The following NCOR2 variants were observed in gnomAD, a reference collection of about 807,000 sequenced individuals.
NCOR2 encodes CTG repeat protein 26.
In NCOR2, 81 loss-of-function variants were observed where a neutral mutation model predicts 262.9. The ratio of observed to expected loss-of-function variants is 0.31; its 90% CI spans 0.26 to 0.37. The LOEUF is 0.37. Ranked by LOEUF, NCOR2 falls within the 10% of genes least tolerant of loss-of-function variation. NCOR2 has a pLI of 1.00. For synonymous variants in NCOR2, 1,659 were observed against 1,559.3 expected (o/e 1.06, Z -1.51); for missense variants, 3,385 against 3,621.4 (o/e 0.93, Z 1.68).
intron 5 of NCOR2, among the ~76,000 whole-genome samples, chr12:124,463,431 C>T (rs932866828): frequency 6.6e-6 from 1 of 152,248 alleles, no homozygotes; most frequent in African/African-American, 2.4e-5. Flanking sequence ...AGGCTGCAGC[C>T]ACCCTGATGG....
intron 16 of NCOR2, among the ~76,000 whole-genome samples, chr12:124,387,584 C>A (rs1337358062): frequency 6.6e-6 from 1 of 152,208 alleles, no homozygotes; most frequent in Non-Finnish European, 1.5e-5. Flanking sequence ...TGACAGGCCA[C>A]CTGTTCGCCT....
intron 1 of NCOR2, among the ~76,000 whole-genome samples, chr12:124,532,189 G>GT (rs2050830823): frequency 6.6e-6 from 1 of 152,112 alleles, no homozygotes; most frequent in South Asian, 2.1e-4. Context: ...GCGAGTGTCG[G>GT]CCCTGAGGTC....
intron 33 of NCOR2, 32 bp from the exon 36 acceptor site, chr12:124,342,106 AGCCATACCTAG>A: frequency 1.9e-6 from 3 of 1,584,904 alleles, no homozygotes; most frequent in Non-Finnish European, 2.6e-6. Context: ...ATGTGAGGCC[AGCCATACCTAG>A]GCCTGATGGT....
chr12:124,543,145 T>C (rs1444929901), intron 1 of NCOR2, among the ~76,000 whole-genome samples: 1 of 152,048 alleles, frequency 6.6e-6, no homozygotes, highest in Non-Finnish European at 1.5e-5. Flanking sequence ...GCAGCATGGA[T>C]GTGAGTGATC....
intron 4 of NCOR2, among the ~76,000 whole-genome samples, chr12:124,469,221 C>T (rs564445873): frequency 1.5e-3 from 221 of 152,166 alleles, no homozygotes; most frequent in Non-Finnish European, 2.7e-3. Flanking sequence ...CCACTTATGA[C>T]GCTCGCACAG....
intron 10 of NCOR2, among the ~76,000 whole-genome samples, chr12:124,429,097 C>G (rs916904504): frequency 6.6e-6 from 1 of 152,264 alleles, no homozygotes. Context: ...CCTGCTCCAG[C>G]CAGGAGGGCT....
At chr12:124,401,621 A>G (rs2041990543) in intron 14 of NCOR2, among the ~76,000 whole-genome samples, 1 of 152,254 alleles carries the variant, frequency 6.6e-6, no homozygotes, top group Non-Finnish European at 1.5e-5. Context: ...CCTAGCCTGC[A>G]GGCCTAGCTG....
rs563928329 is a variant in NCOR2 at position 124,440,786 on chromosome 12, G to A, written c.816-2790C>T. Among the ~76,000 whole-genome samples, 10 of 152,294 alleles carry A rather than the reference G, an allele frequency of 6.6e-5. No individual in the cohort carries two copies. The highest frequency in any genetic ancestry group is 2.1e-4 in the South Asian group (1 of 4,822). Reference sequence around the variant, plus strand: ...GGTGTGAGGGGCTATTTTAGATTCCGTGGTGCAGAAAGATCTCCCAGAGAG... The same window carrying A: ...GGTGTGAGGGGCTATTTTAGATTCCATGGTGCAGAAAGATCTCCCAGAGAG... On this transcript the variant is annotated intron_variant, in intron 7 of 46. Coordinates refer to ENST00000405201, the Ensembl canonical transcript of NCOR2. The surrounding 1 kb of genome is among the most constrained non-coding windows in gnomAD (Gnocchi z 5.7).
At chr12:124,524,435 A>G (rs1232001694) in intron 1 of NCOR2, among the ~76,000 whole-genome samples, 1 of 152,204 alleles carries the variant, frequency 6.6e-6, no homozygotes, top group East Asian at 1.9e-4. Flanking sequence ...AAACAAGAGA[A>G]AGGAGTGTCC....
intron 46 of NCOR2, 49 bp from the exon 49 acceptor site, chr12:124,325,632 G>A (rs778919211): frequency 2.5e-6 from 3 of 1,211,852 alleles, no homozygotes; most frequent in Non-Finnish European, 3.2e-6. Flanking sequence ...GAGCCCGGCA[G>A]CCCCTGCTGG....
intron 1 of NCOR2, among the ~76,000 whole-genome samples, chr12:124,509,242 G>GC (rs1555234144): frequency 1.5e-5 from 2 of 132,218 alleles, no homozygotes; most frequent in African/African-American, 5.1e-5. Context: ...TGGTGGGGGG[G>GC]GGGGGGGCTT....
chr12:124,567,598 C>CGCG (rs1555247060), upstream of NCOR2: 1 of 138,696 alleles, frequency 7.2e-6, no homozygotes, highest in African/African-American at 2.5e-5. Flanking sequence ...CCCCGGCGGC[C>CGCG]GCGGCGGCGG....
chr12:124,550,893 G>A (rs1489121332), intron 1 of NCOR2, among the ~76,000 whole-genome samples: 1 of 152,176 alleles, frequency 6.6e-6, no homozygotes, highest in African/African-American at 2.4e-5. Context: ...TCTCTAGAAA[G>A]TCCCCGGCAG....
chr12:124,480,934 A>AG (rs1337758416), intron 3 of NCOR2, among the ~76,000 whole-genome samples: 1 of 100,402 alleles, frequency 1.0e-5, no homozygotes, highest in African/African-American at 4.0e-5. Flanking sequence ...CCCATGGGTG[A>AG]GGGGCGGCTG....
intron 13 of NCOR2, among the ~76,000 whole-genome samples, chr12:124,403,988 C>T (rs2042127553): frequency 6.6e-6 from 1 of 152,226 alleles, no homozygotes; most frequent in African/African-American, 2.4e-5. Flanking sequence ...ACCCCCCGGC[C>T]CCCAGGTTGC....
chr12:124,352,279 T>C lies in NCOR2; in HGVS notation c.3694-1542A>G, dbSNP rs555897455. 6.6e-5 allele frequency among the ~76,000 whole-genome samples: 10 copies of C among 152,280 alleles called. No homozygotes were observed. The South Asian group carries it at 1.9e-3, about 28-fold the overall frequency. ...TCCAGCCCTAACATCAGATGGTCCA[T>C]GTCAGAACTGGGTTTGTACTGCAGA... On this transcript the variant is annotated intron_variant, in intron 27 of 46. Coordinates refer to ENST00000405201, the Ensembl canonical transcript of NCOR2.
chr12:124,429,801 A>C, intron 9 of NCOR2, 95 bp from the exon 12 acceptor site: 1 of 1,217,492 alleles, frequency 8.2e-7, no homozygotes, highest in Non-Finnish European at 1.2e-6. Context: ...CGCCCTCCCC[A>C]GAGGAGAAGT....
chr12:124,426,371 G>A (rs1015180659), intron 11 of NCOR2, among the ~76,000 whole-genome samples: 6 of 152,198 alleles, frequency 3.9e-5, no homozygotes, highest in Non-Finnish European at 8.8e-5. Context: ...GCCCCGGAAG[G>A]CCAAGGATGC....
intron 13 of NCOR2, among the ~76,000 whole-genome samples, chr12:124,402,973 C>T (rs1157827504): frequency 2.6e-5 from 4 of 152,126 alleles, no homozygotes; most frequent in Non-Finnish European, 4.4e-5. Flanking sequence ...ATGAGAGAAT[C>T]CTCACCATGC....
Sources: allele counts gnomAD v4.1 joint callset (sites outside exome capture counted in the v4.1 genomes callset), GRCh38; gene constraint gnomAD v4.1.1; non-coding constraint Gnocchi (gnomAD v3.1); transcripts MANE v1.5; gene names NCBI Gene and HGNC (gene_info 2026-07-23, HGNC 2026-07-21).